SNX29: variants seen among roughly 807,000 people sequenced by gnomAD.
SNX29 encodes the protein sorting nexin 29, also known as sorting nexin-29.
A neutral mutation model predicts 102.1 loss-of-function variants in SNX29; 78 were observed. That is an observed-to-expected ratio of 0.76 (90% CI 0.64 to 0.92). The LOEUF (loss-of-function observed/expected upper bound fraction) is 0.92, where lower values mean the gene tolerates loss of function less well. SNX29 is among the 40% of genes least tolerant of loss of function. SNX29 has a pLI of 0.00. For synonymous variants in SNX29, 580 were observed against 414.5 expected (o/e 1.40, Z -4.85); for missense variants, 1,280 against 1,061.7 (o/e 1.21, Z -2.86).
intron 18 of SNX29, among the ~76,000 whole-genome samples, chr16:12,470,558 G>A (rs778363244): frequency 6.6e-6 from 1 of 152,100 alleles, no homozygotes; most frequent in Non-Finnish European, 1.5e-5. Flanking sequence ...CCCGGGGAAC[G>A]CTTCCCGGGT....
At chr16:12,113,811 A>G (rs983994779) in intron 11 of SNX29, among the ~76,000 whole-genome samples, 1 of 152,230 alleles carries the variant, frequency 6.6e-6, no homozygotes, top group African/African-American at 2.4e-5. Flanking sequence ...GCGGACAGGA[A>G]CAGATGACGA....
chr16:12,441,089 C>CTTTTT (rs34125065), intron 18 of SNX29, among the ~76,000 whole-genome samples: 1 of 102,696 alleles, frequency 9.7e-6, no homozygotes, highest in Non-Finnish European at 1.9e-5. Flanking sequence ...TACTTCATTC[C>CTTTTT]TTTTTTTTTT....
At chr16:12,214,911 T>A (rs2077281556) in intron 14 of SNX29, among the ~76,000 whole-genome samples, 1 of 152,182 alleles carries the variant, frequency 6.6e-6, no homozygotes, top group African/African-American at 2.4e-5. Flanking sequence ...GGTGACAGAT[T>A]CAAGAAACAT....
intron 4 of SNX29, among the ~76,000 whole-genome samples, chr16:12,041,043 G>A (rs771060543): frequency 1.3e-4 from 20 of 152,146 alleles, no homozygotes; most frequent in East Asian, 7.7e-4. Context: ...TCTTGACCTC[G>A]TGATCTGCCT....
intron 13 of SNX29, among the ~76,000 whole-genome samples, chr16:12,169,556 C>A (rs547856280): frequency 6.6e-6 from 1 of 152,076 alleles, no homozygotes; most frequent in Non-Finnish European, 1.5e-5. Context: ...GAGGGGATGG[C>A]AGACATTTAA....
chr16:12,197,086 G>A (rs2076794916), intron 13 of SNX29, among the ~76,000 whole-genome samples: 1 of 152,232 alleles, frequency 6.6e-6, no homozygotes. Context: ...AGACCTGACC[G>A]CCAAACACTG....
At chr16:12,191,799 G>A (rs918289969) in intron 13 of SNX29, among the ~76,000 whole-genome samples, 20 of 152,166 alleles carry the variant, frequency 1.3e-4, no homozygotes, top group East Asian at 9.6e-4. Context: ...AAAGCCAGGC[G>A]ATTTATGCCT....
chr16:12,220,357 T>A (rs1051751839), intron 14 of SNX29, among the ~76,000 whole-genome samples: 4 of 151,488 alleles, frequency 2.6e-5, no homozygotes, highest in Admixed American at 1.3e-4. Context: ...AGCAACAGAT[T>A]CACAGGCACA....
intron 18 of SNX29, among the ~76,000 whole-genome samples, chr16:12,454,712 A>G (rs749214557): frequency 6.6e-6 from 1 of 151,924 alleles, no homozygotes; most frequent in African/African-American, 2.4e-5. Flanking sequence ...TTATTTATTT[A>G]TTTTTATTTT....
In SNX29 at chr16:12,513,358, C is replaced by T. The variant is rs558541551; in HGVS notation, c.2179-11344C>T. Among the ~76,000 whole-genome samples the T allele has an allele frequency of 6.3e-5, 9 of 143,150 alleles. No individual in the cohort carries two copies. In the South Asian group the frequency reaches 2.0e-3, roughly 32 times the overall value. The allele number at this position is 143,150 out of a possible 152,430, so 93.9% of individuals were successfully genotyped here. A position where few individuals can be genotyped will look rare whatever the true frequency, so the allele number is the denominator to read the frequency against. On this transcript the variant is annotated intron_variant, in intron 19 of 20. Transcript: ENST00000566228. ...GCCCTGCCCTGCCCTGCTCTCTTCT[C>T]CTCAGCCTTCCTCTGCCCTGCCCTG...
chr16:12,454,719 TTTTTTA>T (rs1478864060), intron 18 of SNX29, among the ~76,000 whole-genome samples: 3 of 152,020 alleles, frequency 2.0e-5, no homozygotes. Context: ...TTTATTTTTA[TTTTTTA>T]TTTTTATTTT....
At chr16:12,120,072 C>T (rs150504734) in intron 11 of SNX29, among the ~76,000 whole-genome samples, 2 of 152,152 alleles carry the variant, frequency 1.3e-5, no homozygotes, top group African/African-American at 4.8e-5. Flanking sequence ...GAGAGAGAAA[C>T]AGAACGAAAA....
chr16:12,361,977 A>G (rs62039992), intron 16 of SNX29, among the ~76,000 whole-genome samples: 6 of 36,890 alleles, frequency 1.6e-4, no homozygotes, highest in African/African-American at 2.7e-4. Flanking sequence ...TAACGAGCAC[A>G]TGCCTATACA....
intron 14 of SNX29, among the ~76,000 whole-genome samples, chr16:12,244,392 TG>T (rs2078201169): frequency 6.6e-6 from 1 of 152,174 alleles, no homozygotes; most frequent in Non-Finnish European, 1.5e-5. Flanking sequence ...GAAGATCACT[TG>T]CAGTCAGGAG....
intron 19 of SNX29, among the ~76,000 whole-genome samples, chr16:12,498,001 A>T (rs2088917229): frequency 6.6e-6 from 1 of 152,206 alleles, no homozygotes; most frequent in African/African-American, 2.4e-5. Flanking sequence ...GGAGAAAAGG[A>T]CATGGGTAGC....
intron 20 of SNX29, among the ~76,000 whole-genome samples, chr16:12,548,681 G>C (rs1353093541): frequency 6.6e-6 from 1 of 152,198 alleles, no homozygotes; most frequent in Admixed American, 6.5e-5. Context: ...GAAGTTTAAA[G>C]CCCAGAGCAC....
intron 16 of SNX29, among the ~76,000 whole-genome samples, chr16:12,394,301 C>T (rs1597217718): frequency 6.6e-6 from 1 of 152,192 alleles, no homozygotes; most frequent in Non-Finnish European, 1.5e-5. Flanking sequence ...ATCCCAGAGG[C>T]AAGATGCGAA....
chr16:12,130,131 AAAC>A (rs1345201969), intron 13 of SNX29, among the ~76,000 whole-genome samples: 1 of 150,488 alleles, frequency 6.6e-6, no homozygotes. Flanking sequence ...ACAACCAACC[AAAC>A]AACAACAAAA....
At chr16:12,379,075 G>A (rs1461457667) in intron 16 of SNX29, among the ~76,000 whole-genome samples, 1 of 152,160 alleles carries the variant, frequency 6.6e-6, no homozygotes, top group East Asian at 1.9e-4. Flanking sequence ...GGAGGTGGGG[G>A]CAGCAGACAG....
Sources: allele counts gnomAD v4.1 joint callset (sites outside exome capture counted in the v4.1 genomes callset), GRCh38; gene constraint gnomAD v4.1.1; transcripts MANE v1.5; gene names NCBI Gene and HGNC (gene_info 2026-07-23, HGNC 2026-07-21).